The following CFAP20DC variants were observed in gnomAD, a reference collection of about 807,000 sequenced individuals.
CFAP20DC encodes CFAP20 domain containing, also known as protein CFAP20DC.
In CFAP20DC, 84 loss-of-function variants were observed where a neutral mutation model predicts 101.7. The observed-to-expected ratio is 0.83, with a 90% confidence interval of 0.69 to 0.99. The LOEUF is 0.99. Among genes scored for constraint, CFAP20DC ranks in the 50% least tolerant of loss-of-function variants. The pLI, the probability that CFAP20DC is intolerant of heterozygous loss-of-function variation, is 0.00. For synonymous variants in CFAP20DC, 359 were observed against 351.2 expected, an observed-to-expected ratio of 1.02 and a Z score of -0.25; for missense variants, 1,007 against 970.3, an observed-to-expected ratio of 1.04 and a Z score of -0.50.
intron 3 of CFAP20DC, among the ~76,000 whole-genome samples, chr3:58,720,873 T>C (rs543608504): frequency 6.6e-6 from 1 of 152,310 alleles, no homozygotes; most frequent in African/African-American, 2.4e-5. Flanking sequence ...CACACAGAAA[T>C]GTAAATTACA....
chr3:58,866,939 T>C (rs537357266), intron 10 of CFAP20DC, among the ~76,000 whole-genome samples: 1 of 152,256 alleles, frequency 6.6e-6, no homozygotes, highest in South Asian at 2.1e-4. Flanking sequence ...CAATATGTGA[T>C]AAAAAGAATG....
chr3:58,770,147 T>C (rs1043951640), intron 15 of CFAP20DC, among the ~76,000 whole-genome samples: 6 of 152,356 alleles, frequency 3.9e-5, no homozygotes, highest in Non-Finnish European at 8.8e-5. Context: ...ATTACATATG[T>C]AGATAATTCA....
At chr3:58,776,455 C>T (rs2071348026) in intron 15 of CFAP20DC, among the ~76,000 whole-genome samples, 1 of 152,034 alleles carries the variant, frequency 6.6e-6, no homozygotes, top group African/African-American at 2.4e-5. Context: ...CCAGAGGAAT[C>T]GACATGAACA....
intron 14 of CFAP20DC, among the ~76,000 whole-genome samples, chr3:58,812,991 T>C (rs572452159): frequency 6.6e-6 from 1 of 152,036 alleles, no homozygotes; most frequent in South Asian, 2.1e-4. Context: ...CCATCATTAA[T>C]AACAGAAACC....
intron 4 of CFAP20DC, among the ~76,000 whole-genome samples, chr3:59,009,555 T>C (rs1425016889): frequency 6.6e-6 from 1 of 151,828 alleles, no homozygotes. Flanking sequence ...CTAGAACAAG[T>C]AGAAGAAATT....
At chr3:58,848,951 C>T (rs550391022) in intron 13 of CFAP20DC, 81 bp downstream of exon 13, 1 of 1,424,794 alleles carries the variant, frequency 7.0e-7, no homozygotes, top group African/African-American at 1.4e-5. Flanking sequence ...AAAAGAGATA[C>T]TGCTAAAAAC....
chr3:58,962,089 T>C (rs190140030), intron 4 of CFAP20DC, among the ~76,000 whole-genome samples: 2 of 152,322 alleles, frequency 1.3e-5, no homozygotes, highest in Admixed American at 6.5e-5. Flanking sequence ...TCTAGTTTCT[T>C]AGGGTGGAAA....
In CFAP20DC at chr3:58,926,147, T is replaced by C. The variant is rs997790915; in HGVS notation, c.393+11501A>G. Among the ~76,000 whole-genome samples the C allele has an allele frequency of 2.0e-5, 3 of 151,906 alleles. No homozygotes were observed. In the East Asian group the frequency reaches 5.8e-4, roughly 29 times the overall value. On this transcript the variant is annotated intron_variant, in intron 5 of 16. Coordinates refer to ENST00000482387, the MANE Select transcript of CFAP20DC (RefSeq NM_001394063.1). ...TTGGGAGGCTGAGGAAGGTGGATCA[T>C]TTGAGGTCAGGAGTTAGAGACCAGC...
At position 58,799,743 on chromosome 3, in the gene CFAP20DC, G is replaced by GTGTC. The variant is rs1450939473; in HGVS notation, c.2237+6651_2237+6652insGACA. On this transcript the variant is annotated intron_variant, in intron 15 of 16. Coordinates refer to ENST00000482387, the MANE Select transcript of CFAP20DC (RefSeq NM_001394063.1). The surrounding 1 kb of genome is among the most constrained non-coding windows in gnomAD (Gnocchi z 4.9). ...TGTCTGTGTGTGTGTCTGTGTGTGT[G>GTGTC]TGTGTGTGTGTGTGTGTGTGTGTGT... is the stretch of plus-strand genomic sequence containing the variant. Among the ~76,000 whole-genome samples, 3 of 145,402 alleles carry GTGTC rather than the reference G, an allele frequency of 2.1e-5. No individual in the cohort carries two copies. Among genetic ancestry groups the GTGTC allele is most frequent in the Non-Finnish European group, 4.5e-5 (3 of 66,180 alleles).
intron 3 of CFAP20DC, chr3:58,726,686 T>C (rs1388580698): frequency 4.9e-6 from 1 of 205,646 alleles, no homozygotes; most frequent in Non-Finnish European, 1.0e-5. Context: ...GACCCATCAC[T>C]TGCACTCACA....
intron 15 of CFAP20DC, among the ~76,000 whole-genome samples, chr3:58,792,070 A>G (rs1415485320): frequency 1.3e-5 from 2 of 152,186 alleles, no homozygotes; most frequent in East Asian, 3.8e-4. Context: ...GAAAACATGC[A>G]AACAACTTTT....
chr3:58,726,836 G>A, intron 3 of CFAP20DC: 1 of 255,186 alleles, frequency 3.9e-6, no homozygotes. Context: ...GAAGAGATGA[G>A]AAGGACCCAT....
intron 15 of CFAP20DC, among the ~76,000 whole-genome samples, chr3:58,754,998 C>T (rs115690960): frequency 8.1e-4 from 123 of 152,252 alleles, no homozygotes; most frequent in Middle Eastern, 3.4e-3. Flanking sequence ...ATGGTGTGGA[C>T]TTACCTACAA....
chr3:58,836,727 A>G (rs2076761276), intron 13 of CFAP20DC, among the ~76,000 whole-genome samples: 2 of 152,134 alleles, frequency 1.3e-5, no homozygotes, highest in South Asian at 2.1e-4. Context: ...AAAACTTTCA[A>G]TACAAGGACT....
At chr3:58,934,390 G>A (rs1229773369) in intron 5 of CFAP20DC, among the ~76,000 whole-genome samples, 1 of 152,032 alleles carries the variant, frequency 6.6e-6, no homozygotes, top group Non-Finnish European at 1.5e-5. Context: ...CCAATCAATA[G>A]AAAAAGAAGG....
chr3:58,816,828 C>CT (rs1408497856), intron 14 of CFAP20DC, among the ~76,000 whole-genome samples: 1 of 152,164 alleles, frequency 6.6e-6, no homozygotes, highest in African/African-American at 2.4e-5. Context: ...GGCTCCACCT[C>CT]TGGGGGCAGG....
At chr3:58,855,706 A>G (rs1412619740) in intron 12 of CFAP20DC, among the ~76,000 whole-genome samples, 29 of 151,966 alleles carry the variant, frequency 1.9e-4, no homozygotes, top group Non-Finnish European at 3.5e-4. Context: ...GAAATTGGAA[A>G]TCATCATTCT....
At chr3:58,816,473 A>G (rs1575738475) in intron 14 of CFAP20DC, among the ~76,000 whole-genome samples, 1 of 152,180 alleles carries the variant, frequency 6.6e-6, no homozygotes, top group African/African-American at 2.4e-5. Flanking sequence ...GCATTGCCTC[A>G]CCTGGGAAGC....
At chr3:58,903,896 T>A (rs1299683915) in intron 6 of CFAP20DC, among the ~76,000 whole-genome samples, 1 of 152,182 alleles carries the variant, frequency 6.6e-6, no homozygotes, top group Non-Finnish European at 1.5e-5. Flanking sequence ...ATTGTTTTGG[T>A]TACTGTAGCT....
Sources: allele counts gnomAD v4.1 joint callset (sites outside exome capture counted in the v4.1 genomes callset), GRCh38; gene constraint gnomAD v4.1.1; non-coding constraint Gnocchi (gnomAD v3.1); transcripts MANE v1.5; gene names NCBI Gene and HGNC (gene_info 2026-07-23, HGNC 2026-07-21).